Variants in MIGA1 observed in about 807,000 individuals in gnomAD.
MIGA1 encodes mitoguardin 1, also known as family with sequence similarity 73, member A.
Under a neutral mutation model 82.0 loss-of-function variants are expected in MIGA1, and 58 were observed. The observed-to-expected ratio is 0.71, with a 90% CI of 0.57 to 0.88. MIGA1 has a LOEUF of 0.88. MIGA1 is among the 40% of genes least tolerant of loss of function. The probability of loss-of-function intolerance (pLI) is 0.00; values close to 1 mark genes in which losing one functional copy is unlikely to be tolerated. For synonymous variants in MIGA1, 249 were observed against 253.6 expected, an observed-to-expected ratio of 0.98 and a Z score of 0.17; for missense variants, 751 against 749.1, an observed-to-expected ratio of 1.00 and a Z score of -0.03.
At chr1:77,811,501 A>T in intron 5 of MIGA1, 1 of 1,561,818 alleles carries the variant, frequency 6.4e-7, no homozygotes, top group Non-Finnish European at 8.8e-7. Flanking sequence ...GATTGGTTCT[A>T]GCTTCTTCAG....
intron 8 of MIGA1, chr1:77,848,276 A>G (rs936114236): frequency 2.2e-6 from 3 of 1,343,046 alleles, no homozygotes; most frequent in Non-Finnish European, 3.1e-6. Context: ...GAAAAGGGAG[A>G]AAGATGGGGA....
intron 2 of MIGA1, among the ~76,000 whole-genome samples, chr1:77,786,776 G>A (rs552868230): frequency 6.6e-6 from 1 of 152,314 alleles, no homozygotes; most frequent in East Asian, 1.9e-4. Flanking sequence ...CAAGACTCTA[G>A]GAAGTTCCAA....
intron 12 of MIGA1, among the ~76,000 whole-genome samples, chr1:77,862,946 CAAA>C (rs533818182): frequency 9.1e-5 from 8 of 87,532 alleles, no homozygotes; most frequent in Non-Finnish European, 7.3e-5. Context: ...GTCTCAGAAG[CAAA>C]AAAAAAAAAA....
intron 7 of MIGA1, among the ~76,000 whole-genome samples, chr1:77,829,736 C>T (rs1684169905): frequency 6.6e-6 from 1 of 152,168 alleles, no homozygotes; most frequent in South Asian, 2.1e-4. Flanking sequence ...CTCCCAAAGT[C>T]CTGAGATTAC....
intron 8 of MIGA1, among the ~76,000 whole-genome samples, chr1:77,850,749 TTAGC>T (rs998417241): frequency 3.3e-5 from 5 of 152,258 alleles, no homozygotes; most frequent in Admixed American, 2.6e-4. Context: ...TTTGAAATCT[TTAGC>T]TAATCCCCAA....
intron 5 of MIGA1, among the ~76,000 whole-genome samples, chr1:77,813,239 C>T (rs1334652711): frequency 2.6e-5 from 4 of 152,242 alleles, no homozygotes; most frequent in African/African-American, 9.6e-5. Flanking sequence ...ACCTCGGGCT[C>T]CCAAAGTGCT....
chr1:77,830,965 T>C lies in MIGA1; in HGVS notation c.896-12342T>C, dbSNP rs183639312. ...GTGGGGTAACTAACACTTACACTTATGGAGCAGTTAAAAAGCAATATAAGT... is the reference window on the plus strand; with the variant it reads ...GTGGGGTAACTAACACTTACACTTACGGAGCAGTTAAAAAGCAATATAAGT... On this transcript the variant is annotated intron_variant, in intron 7 of 15. Coordinates refer to ENST00000370791, the MANE Select transcript of MIGA1 (RefSeq NM_198549.4). 1.8e-3 allele frequency among the ~76,000 whole-genome samples: 278 copies of C among 152,290 alleles called. 1 individual carries two copies. Among genetic ancestry groups the C allele is most frequent in the African/African-American group, 6.4e-3 (264 of 41,564 alleles).
intron 7 of MIGA1, among the ~76,000 whole-genome samples, chr1:77,839,592 G>A (rs540061531): frequency 9.2e-5 from 14 of 151,966 alleles, no homozygotes; most frequent in African/African-American, 3.1e-4. Flanking sequence ...GGCTGATCTT[G>A]AACTCCTGGG....
At position 77,818,729 on chromosome 1, in the gene MIGA1, C is replaced by G. The variant is rs533175873; in HGVS notation, c.895+3498C>G. 7.2e-5 allele frequency among the ~76,000 whole-genome samples: 11 copies of G among 151,974 alleles called. No homozygotes were observed. In the South Asian group the frequency reaches 2.3e-3, roughly 32 times the overall value. Reference sequence around the variant, plus strand: ...GAGTTCAAGACCAGCCTGTATAGTTCGAGACCAGCCTTGTATAGTGAGACC... The same window carrying G: ...GAGTTCAAGACCAGCCTGTATAGTTGGAGACCAGCCTTGTATAGTGAGACC... On this transcript the variant is annotated intron_variant, in intron 7 of 15. Transcript: ENST00000370791.
At position 77,790,550 on chromosome 1, in the gene MIGA1, A is replaced by G. The variant is rs189273570; in HGVS notation, c.195+7199A>G. ...CAAAGTGCTGGGATTACAGGCATGA[A>G]CCACTGCGCCCGGCCCCCACCTTTC... On this transcript the variant is annotated intron_variant, in intron 2 of 15. Coordinates refer to ENST00000370791, the MANE Select transcript of MIGA1 (RefSeq NM_198549.4). Among the ~76,000 whole-genome samples, 226 of 144,384 alleles carry G rather than the reference A, an allele frequency of 1.6e-3. 1 individual carries two copies. Among genetic ancestry groups the G allele is most frequent in the Non-Finnish European group, 2.4e-3 (158 of 65,948 alleles). 94.7% of individuals were successfully genotyped at this position (144,384 alleles called of 152,430 possible).
In MIGA1 at chr1:77,783,343, C is replaced by T; in HGVS notation, c.187C>T (p.Leu63Phe). ...TCTTCCTCTGACTTGGTACTATTCT[C>T]TCTCCCAGGTAAATAAAAGAAGCAA... The change falls in exon 2 of 16, where the codon CTC becomes TTC. Residue 63 changes from leucine to phenylalanine, a missense_variant. Around this residue, in one of 3 missense-constraint regions of MIGA1, gnomAD observed 482 missense variants for 439.4 expected, o/e 1.10. Coordinates refer to ENST00000370791, the MANE Select transcript of MIGA1 (RefSeq NM_198549.4). 2 of 1,565,530 alleles carry T rather than the reference C, an allele frequency of 1.3e-6. No homozygotes were observed. Among genetic ancestry groups the T allele is most frequent in the East Asian group, 2.2e-5 (1 of 44,496 alleles).
intron 2 of MIGA1, among the ~76,000 whole-genome samples, chr1:77,795,088 C>A (rs1422909576): frequency 1.3e-5 from 2 of 151,510 alleles, no homozygotes; most frequent in South Asian, 4.2e-4. Flanking sequence ...CTCAGCCACC[C>A]GAGTAGCTGG....
At chr1:77,842,368 C>T (rs1404473858) in intron 7 of MIGA1, among the ~76,000 whole-genome samples, 1 of 152,182 alleles carries the variant, frequency 6.6e-6, no homozygotes, top group Non-Finnish European at 1.5e-5. Context: ...GCGAGATTAA[C>T]CATTCCAAAG....
At chr1:77,790,916 C>T (rs1321003666) in intron 2 of MIGA1, among the ~76,000 whole-genome samples, 2 of 152,016 alleles carry the variant, frequency 1.3e-5, no homozygotes, top group Non-Finnish European at 2.9e-5. Context: ...CCCTGGTGAA[C>T]CCTAATCTGT....
At chr1:77,836,557 A>C (rs1421285231) in intron 7 of MIGA1, among the ~76,000 whole-genome samples, 1 of 152,208 alleles carries the variant, frequency 6.6e-6, no homozygotes, top group Non-Finnish European at 1.5e-5. Flanking sequence ...ATAGTAATAG[A>C]AAAAATTATT....
chr1:77,868,936 A>AT (rs1685782023), intron 14 of MIGA1, among the ~76,000 whole-genome samples: 4 of 147,642 alleles, frequency 2.7e-5, no homozygotes, highest in Non-Finnish European at 5.9e-5. Context: ...TTTTTAATTT[A>AT]TTTATTTTTT....
At chr1:77,827,980 C>T (rs1233539725) in intron 7 of MIGA1, among the ~76,000 whole-genome samples, 10 of 152,046 alleles carry the variant, frequency 6.6e-5, no homozygotes, top group Admixed American at 6.6e-4. Flanking sequence ...ATAGCTTGAA[C>T]CCAGGAGGAG....
Position 77,811,913 on chromosome 1 carries a change from C to T in MIGA1, c.638-1821C>T, listed in dbSNP as rs533247104. 2.0e-4 allele frequency: 279 copies of T among 1,424,522 alleles called. No individual in the cohort carries two copies. In the African/African-American group the frequency reaches 2.4e-3, roughly 12 times the overall value. The allele number at this position is 1,424,522 out of a possible 1,614,324, so 88.2% of individuals were successfully genotyped here. A position where few individuals can be genotyped will look rare whatever the true frequency, so the allele number is the denominator to read the frequency against. On this transcript the variant is annotated intron_variant, in intron 5 of 15. Transcript: ENST00000370791. ...CGCTACGGCCACCACCGCCACCTGC[C>T]GAGGAGCCGCCCAAGCCCATTTTGC...
chr1:77,838,388 C>T (rs1684508379), intron 7 of MIGA1, among the ~76,000 whole-genome samples: 1 of 151,708 alleles, frequency 6.6e-6, no homozygotes, highest in African/African-American at 2.4e-5. Flanking sequence ...CTCACTCTGT[C>T]ACCCAGGCTG....
Sources: allele counts gnomAD v4.1 joint callset (sites outside exome capture counted in the v4.1 genomes callset), GRCh38; gene constraint gnomAD v4.1.1; regional missense constraint gnomAD v4.1.1; transcripts MANE v1.5; gene names NCBI Gene and HGNC (gene_info 2026-07-23, HGNC 2026-07-21).